Variants in DIAPH3 observed in about 807,000 individuals in gnomAD.
DIAPH3 encodes diaphanous related formin 3, also known as protein diaphanous homolog 3.
A neutral mutation model predicts 144.3 loss-of-function variants in DIAPH3; 117 were observed. The observed-to-expected ratio is 0.81, with a 90% CI of 0.70 to 0.95. DIAPH3 has a LOEUF of 0.95. DIAPH3 is among the 40% of genes least tolerant of loss of function. The pLI, the probability that DIAPH3 is intolerant of heterozygous loss-of-function variation, is 0.00. For missense variants in DIAPH3, 1,421 were observed against 1,412.7 expected (o/e 1.01, Z -0.09); for synonymous variants, 519 against 488.9 (o/e 1.06, Z -0.81).
At chr13:59,764,555 C>A (rs370504659) in intron 27 of DIAPH3, among the ~76,000 whole-genome samples, 1 of 149,554 alleles carries the variant, frequency 6.7e-6, no homozygotes, top group Non-Finnish European at 1.5e-5. Context: ...GAAATAGGAT[C>A]TTTGCAGATG....
chr13:59,866,538 C>T (rs1369465725), intron 21 of DIAPH3, among the ~76,000 whole-genome samples: 3 of 152,070 alleles, frequency 2.0e-5, no homozygotes, highest in Non-Finnish European at 4.4e-5. Context: ...AAAACAGACA[C>T]CACACTCCCT....
At chr13:59,820,388 A>C (rs887940399) in intron 24 of DIAPH3, among the ~76,000 whole-genome samples, 3 of 151,920 alleles carry the variant, frequency 2.0e-5, no homozygotes, top group African/African-American at 7.2e-5. Flanking sequence ...TATACCTCTG[A>C]AGATTTAATT....
At position 59,992,568 on chromosome 13, in the gene DIAPH3, G is replaced by C; in HGVS notation, c.1030C>G (p.Leu344Val). 1.2e-6 allele frequency: 2 copies of C among 1,611,730 alleles called. No individual in the cohort carries two copies. The highest frequency in any genetic ancestry group is 1.7e-6 in the Non-Finnish European group (2 of 1,178,826). Residue 344 changes from leucine to valine, a missense_variant, in exon 10 of 28, where the codon CTC (leucine) becomes GTC (valine). Leu to Val is a conservative substitution (Grantham distance 32, BLOSUM62 1). Transcript: ENST00000400324. ...GGAGATGTAACCAGGGCATTGATGAGCTGCATACAAGCTACCTACAAGAGA... is the reference window on the plus strand; with the variant it reads ...GGAGATGTAACCAGGGCATTGATGACCTGCATACAAGCTACCTACAAGAGA... ...SVQLQVACMQ[L>V]INALVTSPDD...
At chr13:59,765,419 C>CCTT (rs1391961080) in intron 27 of DIAPH3, among the ~76,000 whole-genome samples, 1 of 152,128 alleles carries the variant, frequency 6.6e-6, no homozygotes, top group Non-Finnish European at 1.5e-5. Context: ...AATCTGGGCA[C>CCTT]CTTCATACAC....
At chr13:60,056,839 G>C (rs1242534047) in intron 4 of DIAPH3, among the ~76,000 whole-genome samples, 1 of 151,806 alleles carries the variant, frequency 6.6e-6, no homozygotes, top group Non-Finnish European at 1.5e-5. Flanking sequence ...TTTCCTTTTG[G>C]GTTGACAACA....
At chr13:59,779,516 CTT>C (rs199644932) in intron 25 of DIAPH3, among the ~76,000 whole-genome samples, 104 of 144,744 alleles carry the variant, frequency 7.2e-4, no homozygotes, top group Non-Finnish European at 9.9e-4. Flanking sequence ...AAGTCTTTTT[CTT>C]TTTTTTTTTT....
chr13:59,981,628 A>G (rs1463404802), intron 13 of DIAPH3, among the ~76,000 whole-genome samples: 1 of 151,310 alleles, frequency 6.6e-6, no homozygotes, highest in Admixed American at 6.6e-5. Flanking sequence ...TGGATTTCCC[A>G]TATGTTATCC....
intron 17 of DIAPH3, among the ~76,000 whole-genome samples, chr13:59,966,755 T>A (rs2050069870): frequency 6.6e-6 from 1 of 152,182 alleles, no homozygotes; most frequent in African/African-American, 2.4e-5. Flanking sequence ...AGGATTGGCA[T>A]CTATCATTTA....
At chr13:59,788,884 A>G (rs2039179644) in intron 25 of DIAPH3, among the ~76,000 whole-genome samples, 1 of 152,220 alleles carries the variant, frequency 6.6e-6, no homozygotes. Context: ...GGTGCTGAAA[A>G]AAGGAACTAC....
At chr13:59,939,905 C>T (rs924056914) in intron 17 of DIAPH3, among the ~76,000 whole-genome samples, 1 of 150,120 alleles carries the variant, frequency 6.7e-6, no homozygotes, top group African/African-American at 2.5e-5. Flanking sequence ...AAATGGAGAG[C>T]TAAGCCAAGT....
intron 23 of DIAPH3, chr13:59,837,590 C>G (rs573507990): frequency 6.5e-6 from 1 of 153,474 alleles, no homozygotes; most frequent in African/African-American, 2.4e-5. Context: ...GTTCAATTAA[C>G]AGTACTTAGT....
At chr13:60,157,289 C>G (rs1463228566) in intron 1 of DIAPH3, among the ~76,000 whole-genome samples, 1 of 152,096 alleles carries the variant, frequency 6.6e-6, no homozygotes, top group African/African-American at 2.4e-5. Flanking sequence ...AGTACATGGG[C>G]CTTGTCTTCA....
chr13:60,061,421 AAC>A (rs948117849), intron 4 of DIAPH3, among the ~76,000 whole-genome samples: 5 of 152,146 alleles, frequency 3.3e-5, no homozygotes, highest in African/African-American at 1.2e-4. Context: ...ACATTCAAGC[AAC>A]AGTGAGGAAG....
intron 22 of DIAPH3, among the ~76,000 whole-genome samples, chr13:59,857,085 AC>A (rs1056256169): frequency 1.3e-5 from 2 of 152,192 alleles, no homozygotes; most frequent in Admixed American, 1.3e-4. Context: ...ATGCAATTAA[AC>A]TAATAACTAA....
chr13:59,815,721 G>A (rs149304104), intron 24 of DIAPH3, among the ~76,000 whole-genome samples: 2,116 of 152,064 alleles, frequency 0.014, 55 homozygotes, highest in African/African-American at 0.048. Flanking sequence ...CTCCCAATGC[G>A]CTGGGATTAC....
chr13:59,844,672 C>T (rs1236599228), intron 22 of DIAPH3, among the ~76,000 whole-genome samples: 3 of 151,872 alleles, frequency 2.0e-5, no homozygotes, highest in Non-Finnish European at 2.9e-5. Flanking sequence ...TTTTGTATTC[C>T]TGTTCATTCT....
At chr13:59,721,711 G>A (rs1312557221) in intron 27 of DIAPH3, among the ~76,000 whole-genome samples, 1 of 152,144 alleles carries the variant, frequency 6.6e-6, no homozygotes, top group Admixed American at 6.5e-5. Flanking sequence ...TAATGGCAAC[G>A]ACAGTGGGCA....
At chr13:59,725,137 A>G (rs1389835654) in intron 27 of DIAPH3, among the ~76,000 whole-genome samples, 1 of 152,214 alleles carries the variant, frequency 6.6e-6, no homozygotes, top group African/African-American at 2.4e-5. Flanking sequence ...AAGTCTGGTG[A>G]GAGAACATGA....
intron 2 of DIAPH3, among the ~76,000 whole-genome samples, chr13:60,132,131 T>C (rs764639838): frequency 2.0e-5 from 3 of 152,226 alleles, no homozygotes; most frequent in Non-Finnish European, 2.9e-5. Flanking sequence ...CTAATACAAT[T>C]TTTAAGTCAT....
Sources: gnomAD v4.1 joint callset for allele counts (sites outside exome capture counted in the v4.1 genomes callset) on GRCh38, gnomAD v4.1.1 for gene constraint, MANE v1.5 for transcripts, NCBI Gene and HGNC (gene_info 2026-07-23, HGNC 2026-07-21) for gene names.